TDRD12: variants seen among roughly 807,000 people sequenced by gnomAD.
TDRD12 encodes putative ATP-dependent RNA helicase TDRD12.
In TDRD12, 158 loss-of-function variants were observed where a neutral mutation model predicts 133.5. The ratio of observed to expected loss-of-function variants is 1.18; its 90% CI spans 1.04 to 1.35. The LOEUF (loss-of-function observed/expected upper bound fraction) is 1.35, where lower values mean the gene tolerates loss of function less well. Among genes scored for constraint, TDRD12 ranks in the 40% most tolerant of loss-of-function variants. The pLI is 0.00. For missense variants in TDRD12, 1,443 were observed against 1,321.3 expected (o/e 1.09, Z -1.43); for synonymous variants, 460 against 477.9 (o/e 0.96, Z 0.49).
intron 14 of TDRD12, among the ~76,000 whole-genome samples, chr19:32,797,045 A>G (rs1026773261): frequency 1.4e-5 from 2 of 146,552 alleles, no homozygotes; most frequent in African/African-American, 5.1e-5. Flanking sequence ...CAGTGGCTCC[A>G]TCTCGGCTCA....
chr19:32,749,191 T>C (rs764071040), intron 5 of TDRD12, among the ~76,000 whole-genome samples: 4 of 151,634 alleles, frequency 2.6e-5, no homozygotes, highest in African/African-American at 7.3e-5. Context: ...GGCTGGGAGG[T>C]CACTGTGACT....
intron 13 of TDRD12, among the ~76,000 whole-genome samples, chr19:32,793,252 A>C (rs1971122832): frequency 6.6e-6 from 1 of 152,150 alleles, no homozygotes; most frequent in Non-Finnish European, 1.5e-5. Flanking sequence ...TCCTTACTCA[A>C]ACTGTGGATG....
intron 27 of TDRD12, among the ~76,000 whole-genome samples, chr19:32,820,072 T>C (rs1035313968): frequency 1.3e-4 from 19 of 151,974 alleles, no homozygotes; most frequent in African/African-American, 4.6e-4. Flanking sequence ...CAGAGGAGGA[T>C]CTATCGAAGG....
At chr19:32,737,402 T>A (rs1751258601) in intron 2 of TDRD12, among the ~76,000 whole-genome samples, 1 of 152,034 alleles carries the variant, frequency 6.6e-6, no homozygotes, top group Non-Finnish European at 1.5e-5. Context: ...ACGGGGTTTT[T>A]CCATGTTGGT....
intron 2 of TDRD12, among the ~76,000 whole-genome samples, chr19:32,738,080 T>C (rs1322202793): frequency 6.6e-6 from 1 of 151,964 alleles, no homozygotes; most frequent in Non-Finnish European, 1.5e-5. Context: ...GAGGTTGCAG[T>C]GAGCCAAGGT....
chr19:32,814,810 G>A (rs376501885), intron 25 of TDRD12, among the ~76,000 whole-genome samples: 4 of 152,184 alleles, frequency 2.6e-5, no homozygotes, highest in African/African-American at 4.8e-5. Flanking sequence ...CACATTCCCC[G>A]GTGGACACAC....
intron 2 of TDRD12, among the ~76,000 whole-genome samples, chr19:32,738,195 C>T (rs1285642196): frequency 2.0e-5 from 3 of 152,174 alleles, no homozygotes; most frequent in East Asian, 1.9e-4. Context: ...TGGCAGCTTC[C>T]TGTTGGTCAG....
At chr19:32,796,585 CAA>C (rs753485762) in intron 14 of TDRD12, among the ~76,000 whole-genome samples, 5 of 131,690 alleles carry the variant, frequency 3.8e-5, no homozygotes, top group Admixed American at 7.7e-5. Context: ...AACTCCATCT[CAA>C]AAAAAAAAAA....
At chr19:32,810,469 C>T (rs1252968500) in intron 23 of TDRD12, among the ~76,000 whole-genome samples, 192 bp downstream of exon 23, 1 of 152,244 alleles carries the variant, frequency 6.6e-6, no homozygotes, top group Non-Finnish European at 1.5e-5. Flanking sequence ...CCCAGTGACA[C>T]CGTGACCCAT....
chr19:32,790,421 C>T (rs1038717032), intron 11 of TDRD12, 110 bp from the exon 12 acceptor site: 2 of 1,073,896 alleles, frequency 1.9e-6, no homozygotes, highest in Non-Finnish European at 1.4e-6. Context: ...TACAGCTGAG[C>T]CTTGGGCTGT....
chr19:32,757,012 A>G (rs2145550303), intron 7 of TDRD12, 26 bp from the exon 8 acceptor site: 8 of 1,533,528 alleles, frequency 5.2e-6, no homozygotes, highest in East Asian at 2.5e-5. Context: ...TCATGCTTTA[A>G]TTCTGAAATT....
Position 32,756,036 on chromosome 19 carries a change from T to G in TDRD12, c.627T>G (p.Tyr209Ter). ...TTGTTGCAAAGAACTATGCTTGTTA[T>G]ATGTCACCTACAAAGAATAAAAACC... The change falls in exon 7 of 28, where the codon TAT becomes TAG. Residue 209 changes from tyrosine (Y) to a stop codon, truncating the protein, a stop_gained. Transcript: ENST00000444215. LOFTEE classifies it high-confidence loss of function. 2 of 1,476,602 alleles carry G rather than the reference T, an allele frequency of 1.4e-6. No homozygotes were observed. The highest frequency in any genetic ancestry group is 1.8e-6 in the Non-Finnish European group (2 of 1,121,620). 91.5% of individuals were successfully genotyped at this position (1,476,602 alleles called of 1,614,324 possible).
At chr19:32,825,261 C>T (rs1028832616), downstream of TDRD12, among the ~76,000 whole-genome samples, 1 of 152,206 alleles carries the variant, frequency 6.6e-6, no homozygotes. The surrounding 1 kb of genome is among the most constrained non-coding windows in gnomAD (Gnocchi z 4.1). Flanking sequence ...CATGAATAAA[C>T]CACAGAGGGT....
chr19:32,791,212 G>A (rs757065082), intron 13 of TDRD12, 144 bp downstream of exon 13: 3 of 856,946 alleles, frequency 3.5e-6, no homozygotes, highest in Non-Finnish European at 5.1e-6. Flanking sequence ...ACAGGCATGA[G>A]CCACCACACT....
At chr19:32,759,543 C>G (rs1471296462) in intron 8 of TDRD12, among the ~76,000 whole-genome samples, 1 of 152,034 alleles carries the variant, frequency 6.6e-6, no homozygotes, top group African/African-American at 2.4e-5. Context: ...CACTTGAACC[C>G]AGGAGGCAGA....
intron 6 of TDRD12, among the ~76,000 whole-genome samples, chr19:32,754,273 A>G (rs1189781796): frequency 6.6e-6 from 1 of 152,202 alleles, no homozygotes; most frequent in Non-Finnish European, 1.5e-5. Flanking sequence ...GTTTGAGACC[A>G]TCCTGGGCAA....
intron 8 of TDRD12, among the ~76,000 whole-genome samples, chr19:32,769,031 CTG>C (rs1274149091): frequency 5.3e-5 from 8 of 152,150 alleles, no homozygotes; most frequent in Non-Finnish European, 1.2e-4. Flanking sequence ...GTGCAAGCCA[CTG>C]TGCCTGGCTG....
At chr19:32,737,265 G>A (rs529225385) in intron 2 of TDRD12, among the ~76,000 whole-genome samples, 46 of 152,224 alleles carry the variant, frequency 3.0e-4, no homozygotes, top group Non-Finnish European at 5.9e-4. Context: ...GTGTAGTGGC[G>A]CGATCTTTGG....
At chr19:32,731,344 C>T (rs993092681) in intron 1 of TDRD12, among the ~76,000 whole-genome samples, 2 of 151,916 alleles carry the variant, frequency 1.3e-5, no homozygotes, top group Non-Finnish European at 2.9e-5. Flanking sequence ...TGCTCGAGCC[C>T]CGGAGTTTGA....
Sources: gnomAD v4.1 joint callset for allele counts (sites outside exome capture counted in the v4.1 genomes callset) on GRCh38, gnomAD v4.1.1 for gene constraint, Gnocchi (gnomAD v3.1) non-coding constraint, MANE v1.5 for transcripts, NCBI Gene and HGNC (gene_info 2026-07-23, HGNC 2026-07-21) for gene names.